The following TOMM34 variants were observed in gnomAD, a reference collection of about 807,000 sequenced individuals.
The protein encoded by TOMM34 is translocase of outer mitochondrial membrane 34.
Under a neutral mutation model 37.4 loss-of-function variants are expected in TOMM34, and 24 were observed. The ratio of observed to expected loss-of-function variants is 0.64; its 90% CI spans 0.46 to 0.90. The LOEUF is 0.90. Among genes scored for constraint, TOMM34 ranks in the 40% least tolerant of loss-of-function variants. The pLI, the probability that TOMM34 is intolerant of heterozygous loss-of-function variation, is 0.00. For missense variants in TOMM34, 304 were observed against 375.6 expected, an observed-to-expected ratio of 0.81 and a Z score of 1.58; for synonymous variants, 154 against 148.9, an observed-to-expected ratio of 1.03 and a Z score of -0.25.
At chr20:44,948,207 T>A (rs1746054652) in intron 5 of TOMM34, among the ~76,000 whole-genome samples, 1 of 152,194 alleles carries the variant, frequency 6.6e-6, no homozygotes, top group Non-Finnish European at 1.5e-5. Context: ...CAGTCAGTGG[T>A]CACTGACGGC....
In TOMM34 at chr20:44,943,419, A is replaced by G. The variant is rs138399617; in HGVS notation, c.825+34T>C. 396 of 1,613,978 alleles carry G rather than the reference A, an allele frequency of 2.5e-4. 1 individual carries two copies. The African/African-American group carries it at 4.3e-3, about 18-fold the overall frequency. ...GACACTGGCATAAATCTCTGTAGCT[A>G]TGTTGGGACCTTTTGGCCAGGATTT... On this transcript the variant is annotated intron_variant, in intron 6 of 6. Coordinates refer to ENST00000372813, the MANE Select transcript of TOMM34 (RefSeq NM_006809.5).
At chr20:44,958,468 G>T (rs766269572) in intron 1 of TOMM34, 2 of 459,636 alleles carry the variant, frequency 4.4e-6, no homozygotes, top group Non-Finnish European at 9.1e-6. Context: ...GCGGTGGAAA[G>T]GGCATCAACC....
At chr20:44,958,217 CAT>C (rs1467587650) in intron 1 of TOMM34, 1 of 393,384 alleles carries the variant, frequency 2.5e-6, no homozygotes, top group African/African-American at 2.1e-5. Context: ...TAAGAGGCAT[CAT>C]ATTGCCTATC....
chr20:44,957,272 C>T (rs538799279), intron 1 of TOMM34, among the ~76,000 whole-genome samples: 2 of 152,200 alleles, frequency 1.3e-5, no homozygotes, highest in African/African-American at 4.8e-5. Context: ...ACTGCAACTC[C>T]ACCTCCTGGG....
chr20:44,948,076 CCCTT>C (rs1269869146), intron 5 of TOMM34, among the ~76,000 whole-genome samples: 1 of 152,016 alleles, frequency 6.6e-6, no homozygotes, highest in African/African-American at 2.4e-5. Context: ...TAAAGCAAAA[CCCTT>C]CCTTCTCTGA....
In TOMM34 at chr20:44,955,920, A is replaced by G. The variant is rs188226901; in HGVS notation, c.227+466T>C. On this transcript the variant is annotated intron_variant, in intron 2 of 6. Transcript: ENST00000372813. ...TAGACTGGCTTGAAGAAAAAGAGATATGAAACATTGTTCAGTGTCCTCTAA... is the reference window on the plus strand; with the variant it reads ...TAGACTGGCTTGAAGAAAAAGAGATGTGAAACATTGTTCAGTGTCCTCTAA... 6.7e-3 allele frequency among the ~76,000 whole-genome samples: 1,023 copies of G among 152,354 alleles called. 8 individuals are homozygous for G. Among genetic ancestry groups the G allele is most frequent in the Middle Eastern group, 0.01 (3 of 294 alleles).
intron 1 of TOMM34, 126 bp from the exon 2 acceptor site, chr20:44,956,611 C>G: frequency 1.2e-6 from 1 of 829,994 alleles, no homozygotes; most frequent in Non-Finnish European, 1.9e-6. Flanking sequence ...ATAACCTGTT[C>G]AGGCTTGTTG....
intron 4 of TOMM34, among the ~76,000 whole-genome samples, chr20:44,950,799 T>C (rs1451202447): frequency 6.6e-6 from 1 of 152,196 alleles, no homozygotes; most frequent in Non-Finnish European, 1.5e-5. Context: ...ATAGGTCACT[T>C]ACACATGGCA....
chr20:44,956,573 G>T, intron 1 of TOMM34, 88 bp from the exon 2 acceptor site: 1 of 1,304,030 alleles, frequency 7.7e-7, no homozygotes, highest in Non-Finnish European at 1.1e-6. Flanking sequence ...AGCTCTTTGG[G>T]CCTTGTGTTA....
chr20:44,951,895 G>C lies in TOMM34; in HGVS notation c.488C>G (p.Ser163Trp). The C allele has an allele frequency of 6.2e-7, 1 of 1,614,030 alleles. No homozygotes were observed. The highest frequency in any genetic ancestry group is 1.3e-5 in the African/African-American group (1 of 75,008). The change falls in exon 4 of 7, where the codon TCG becomes TGG. Residue 163 changes from serine (S) to tryptophan (W), a missense_variant. Transcript: ENST00000372813. ...TTTAGCCATCTCTTTGTGGTTCTCC[G>C]AAGGCAAGGAATTCCACCTCTTCTG... Reference protein sequence around the residue: ...SAQKRWNSLPSENHKEMAKSK... With the variant: ...SAQKRWNSLPWENHKEMAKSK...
chr20:44,943,318 C>A, intron 6 of TOMM34, 105 bp from the exon 7 acceptor site: 1 of 1,595,624 alleles, frequency 6.3e-7, no homozygotes, highest in Non-Finnish European at 8.6e-7. Context: ...CAGGCCTGCT[C>A]TGAGTTATCC....
intron 3 of TOMM34, 62 bp downstream of exon 3, chr20:44,955,006 C>T (rs941354300): frequency 5.0e-5 from 79 of 1,584,000 alleles, no homozygotes; most frequent in African/African-American, 1.1e-4. Context: ...GGCAATGGCC[C>T]GCAGCCAATC....
chr20:44,951,954 CT>C lies in TOMM34; in HGVS notation c.428del (p.Lys143SerfsTer54). 6.2e-7 allele frequency: 1 copy of C among 1,614,098 alleles called. No homozygotes were observed. The highest frequency in any genetic ancestry group is 8.5e-7 in the Non-Finnish European group (1 of 1,179,962). On this transcript the variant is annotated frameshift_variant, in exon 4 of 7. Transcript: ENST00000372813. LOFTEE classifies it high-confidence loss of function. ...CAGGCACCAAGGGGATTGAGGGCAG[CT>C]TCAGGCGCCACTCAGGCCCAAGCGA... ...MDSLGPEWRL[K>X]LPSIPLVPVS... is the part of the protein sequence containing the mutation.
At chr20:44,955,045 C>T in intron 3 of TOMM34, 23 bp downstream of exon 3, 2 of 1,612,824 alleles carry the variant, frequency 1.2e-6, no homozygotes, top group Non-Finnish European at 1.7e-6. Flanking sequence ...CCGTGGAGAC[C>T]ACCTGCTGGG....
At chr20:44,946,418 T>TGGGAAATAACACAAGTGAGTGAAA in intron 5 of TOMM34, among the ~76,000 whole-genome samples, 1 of 152,158 alleles carries the variant, frequency 6.6e-6, no homozygotes. Flanking sequence ...ACAAAGGGGT[T>TGGGAAATAACACAAGTGAGTGAAA]GGGAAATAAC....
At chr20:44,948,910 T>A (rs771370135) in intron 4 of TOMM34, 33 bp from the exon 5 acceptor site, 1 of 1,609,550 alleles carries the variant, frequency 6.2e-7, no homozygotes, top group South Asian at 1.1e-5. Context: ...AAAAAAACCA[T>A]GGAGCAGCAC....
chr20:44,949,935 A>G, intron 4 of TOMM34, among the ~76,000 whole-genome samples: 1 of 152,088 alleles, frequency 6.6e-6, no homozygotes, highest in East Asian at 1.9e-4. Context: ...TTTTCCCCTT[A>G]ATGTTATATT....
chr20:44,945,092 A>G (rs1360100230), intron 5 of TOMM34, among the ~76,000 whole-genome samples: 1 of 152,240 alleles, frequency 6.6e-6, no homozygotes. Context: ...GAAGCAAGGT[A>G]GGATTCAAGT....
rs187366897 is a variant in TOMM34 at position 44,948,372 on chromosome 20, A to G, written c.698+358T>C. ...CAGAAATGGTGCCAGAATTTCTAAC[A>G]GGAGGGTCTTGGAGAAGGGTAGGGA... On this transcript the variant is annotated intron_variant, in intron 5 of 6. Transcript: ENST00000372813. Among the ~76,000 whole-genome samples the G allele has an allele frequency of 4.5e-3, 686 of 152,306 alleles. 6 individuals are homozygous for G. The highest frequency in any genetic ancestry group is 0.016 in the African/African-American group (661 of 41,566).
Sources: gnomAD v4.1 joint callset for allele counts (sites outside exome capture counted in the v4.1 genomes callset) on GRCh38, gnomAD v4.1.1 for gene constraint, MANE v1.5 for transcripts, NCBI Gene and HGNC (gene_info 2026-07-23, HGNC 2026-07-21) for gene names.